LRRTM4: variants seen among roughly 807,000 people sequenced by gnomAD.
The protein encoded by LRRTM4 is leucine-rich repeat transmembrane neuronal protein 4.
In LRRTM4, 25 loss-of-function variants were observed where a neutral mutation model predicts 47.6. That is an observed-to-expected ratio of 0.53 (90% confidence interval 0.38 to 0.73). The LOEUF (loss-of-function observed/expected upper bound fraction) is 0.73, where lower values mean the gene tolerates loss of function less well. LRRTM4 is among the 30% of genes least tolerant of loss of function. LRRTM4 has a pLI of 0.00. For synonymous variants in LRRTM4, 311 were observed against 269.5 expected (o/e 1.15, Z -1.51); for missense variants, 638 against 713.4 (o/e 0.89, Z 1.20).
chr2:77,284,567 T>C (rs901678690), intron 3 of LRRTM4, among the ~76,000 whole-genome samples: 1 of 152,128 alleles, frequency 6.6e-6, no homozygotes, highest in Non-Finnish European at 1.5e-5. Flanking sequence ...AAATACATTC[T>C]TGACAATTTC....
intron 3 of LRRTM4, among the ~76,000 whole-genome samples, chr2:76,769,591 C>T (rs1673598250): frequency 6.6e-6 from 1 of 151,920 alleles, no homozygotes; most frequent in African/African-American, 2.4e-5. Flanking sequence ...TAAGTGTGTC[C>T]AATGTTCTTT....
chr2:77,288,738 G>C (rs958095001), intron 3 of LRRTM4, among the ~76,000 whole-genome samples: 2 of 151,998 alleles, frequency 1.3e-5, no homozygotes, highest in Non-Finnish European at 1.5e-5. Flanking sequence ...TAATGCTTAG[G>C]AAATAAATAC....
chr2:76,921,808 T>A (rs1461570676), intron 3 of LRRTM4, among the ~76,000 whole-genome samples: 1 of 152,100 alleles, frequency 6.6e-6, no homozygotes, highest in Non-Finnish European at 1.5e-5. Context: ...TTTTGTGTAT[T>A]CCCTGCACAA....
intron 3 of LRRTM4, among the ~76,000 whole-genome samples, chr2:77,422,181 T>C (rs1674925329): frequency 6.6e-6 from 1 of 152,222 alleles, no homozygotes. Context: ...TGTTACGCAA[T>C]GCGTGACTGT....
intron 3 of LRRTM4, among the ~76,000 whole-genome samples, chr2:76,934,451 TA>T (rs1054037724): frequency 6.6e-6 from 1 of 152,186 alleles, no homozygotes; most frequent in African/African-American, 2.4e-5. Context: ...GTCTCCATTG[TA>T]AAATTCAGAT....
At chr2:77,425,579 T>C (rs1259256058) in intron 3 of LRRTM4, among the ~76,000 whole-genome samples, 3 of 152,324 alleles carry the variant, frequency 2.0e-5, no homozygotes, top group Non-Finnish European at 1.5e-5. Context: ...TTTCTTTTCA[T>C]TCTATAATAT....
intron 3 of LRRTM4, among the ~76,000 whole-genome samples, chr2:77,005,388 C>G (rs1677604690): frequency 6.6e-6 from 1 of 152,180 alleles, no homozygotes; most frequent in Non-Finnish European, 1.5e-5. Context: ...TGTAATCCAC[C>G]TGCCTTGGCC....
intron 3 of LRRTM4, among the ~76,000 whole-genome samples, chr2:76,810,995 C>T (rs1225317549): frequency 6.6e-6 from 1 of 152,070 alleles, no homozygotes; most frequent in East Asian, 1.9e-4. Flanking sequence ...ACTAGATTCA[C>T]TGAAAACAAA....
chr2:76,911,704 G>A (rs1342080324), intron 3 of LRRTM4, among the ~76,000 whole-genome samples: 1 of 152,068 alleles, frequency 6.6e-6, no homozygotes, highest in East Asian at 1.9e-4. Context: ...GGAAGAGAAA[G>A]GGAGAGACAG....
intron 3 of LRRTM4, among the ~76,000 whole-genome samples, chr2:77,356,065 G>A (rs1420507591): frequency 6.6e-6 from 1 of 152,176 alleles, no homozygotes; most frequent in Non-Finnish European, 1.5e-5. Context: ...CTACACTCCT[G>A]CCTAGGCAAC....
chr2:77,441,791 A>C (rs1675852743), intron 3 of LRRTM4, among the ~76,000 whole-genome samples: 1 of 152,194 alleles, frequency 6.6e-6, no homozygotes, highest in Non-Finnish European at 1.5e-5. Context: ...GAATACGTGT[A>C]AACTTGTTAT....
chr2:77,366,746 T>C (rs1475176604), intron 3 of LRRTM4, among the ~76,000 whole-genome samples: 1 of 151,840 alleles, frequency 6.6e-6, no homozygotes, highest in African/African-American at 2.4e-5. Flanking sequence ...ATTTACAATA[T>C]TCAATAGACT....
intron 3 of LRRTM4, among the ~76,000 whole-genome samples, chr2:77,313,674 A>G (rs1398289437): frequency 1.3e-5 from 2 of 152,088 alleles, no homozygotes; most frequent in Non-Finnish European, 1.5e-5. Flanking sequence ...ATCAATTGTT[A>G]TGATCATCTG....
intron 3 of LRRTM4, among the ~76,000 whole-genome samples, chr2:77,137,308 G>A (rs1671973983): frequency 6.6e-6 from 1 of 151,810 alleles, no homozygotes; most frequent in Admixed American, 6.6e-5. Context: ...AGAAAGAGTG[G>A]GGGCCAATAT....
chr2:76,753,642 G>A (rs976840258), intron 3 of LRRTM4, among the ~76,000 whole-genome samples: 10 of 152,028 alleles, frequency 6.6e-5, no homozygotes, highest in Admixed American at 3.3e-4. Context: ...GGGAGAGAGC[G>A]TATTTTTCAA....
intron 3 of LRRTM4, among the ~76,000 whole-genome samples, chr2:76,778,312 T>G (rs1256351777): frequency 3.5e-5 from 5 of 142,646 alleles, no homozygotes; most frequent in Non-Finnish European, 7.5e-5. Flanking sequence ...TTTCTATTGA[T>G]TGGAATAGTT....
At chr2:76,839,142 A>C (rs577137890) in intron 3 of LRRTM4, among the ~76,000 whole-genome samples, 12 of 152,246 alleles carry the variant, frequency 7.9e-5, no homozygotes, top group Admixed American at 7.9e-4. Flanking sequence ...GAAACTGTTA[A>C]AAAGAGACAA....
intron 3 of LRRTM4, among the ~76,000 whole-genome samples, chr2:76,974,420 C>A (rs1180269296): frequency 6.6e-6 from 1 of 150,624 alleles, no homozygotes; most frequent in South Asian, 2.1e-4. Flanking sequence ...TGAAACTATG[C>A]ACTGATTATA....
intron 3 of LRRTM4, among the ~76,000 whole-genome samples, chr2:77,438,392 A>T (rs1030851777): frequency 7.6e-6 from 1 of 131,704 alleles, no homozygotes; most frequent in Non-Finnish European, 1.6e-5. Flanking sequence ...CGATCATGAT[A>T]ATTTTTTTTT....
Sources: allele counts gnomAD v4.1 joint callset (sites outside exome capture counted in the v4.1 genomes callset), GRCh38; gene constraint gnomAD v4.1.1; transcripts MANE v1.5; gene names NCBI Gene and HGNC (gene_info 2026-07-23, HGNC 2026-07-21).